The following MGAT4C variants were observed in gnomAD, a reference collection of about 807,000 sequenced individuals.
The protein encoded by MGAT4C is MGAT4 family member C.
A neutral mutation model predicts 40.1 loss-of-function variants in MGAT4C; 19 were observed. The observed-to-expected ratio is 0.47, with a 90% confidence interval of 0.33 to 0.70. The LOEUF (loss-of-function observed/expected upper bound fraction) is 0.70, where lower values mean the gene tolerates loss of function less well. MGAT4C is among the 30% of genes least tolerant of loss of function. The pLI is 0.02. For missense variants in MGAT4C, 491 were observed against 563.2 expected (o/e 0.87, Z 1.30); for synonymous variants, 181 against 187.1 (o/e 0.97, Z 0.27).
chr12:86,669,135 G>A (rs1420709250), intron 2 of MGAT4C, among the ~76,000 whole-genome samples: 2 of 152,136 alleles, frequency 1.3e-5, no homozygotes, highest in East Asian at 3.9e-4. Flanking sequence ...AGATCTCCAG[G>A]CATTCAGAAA....
chr12:86,766,828 A>C (rs1951518968), intron 1 of MGAT4C, among the ~76,000 whole-genome samples: 1 of 152,170 alleles, frequency 6.6e-6, no homozygotes, highest in African/African-American at 2.4e-5. Flanking sequence ...AACGAGAACA[A>C]AGACACAACA....
At chr12:86,701,410 C>T (rs1302122452) in intron 2 of MGAT4C, among the ~76,000 whole-genome samples, 3 of 152,014 alleles carry the variant, frequency 2.0e-5, no homozygotes, top group Non-Finnish European at 2.9e-5. Flanking sequence ...GATCAATGAT[C>T]TTTGATCTTC....
chr12:85,984,097 A>G (rs1172112646), intron 3 of MGAT4C, among the ~76,000 whole-genome samples: 2 of 152,164 alleles, frequency 1.3e-5, no homozygotes, highest in African/African-American at 4.8e-5. Context: ...ACTCTTCCTC[A>G]AGCAGTCTCA....
chr12:86,413,756 A>T (rs2136248064), intron 3 of MGAT4C, among the ~76,000 whole-genome samples: 1 of 152,198 alleles, frequency 6.6e-6, no homozygotes, highest in South Asian at 2.1e-4. Flanking sequence ...TGAACTTAAA[A>T]CTGGTCAGCA....
At chr12:86,011,282 A>G (rs528951549) in intron 2 of MGAT4C, among the ~76,000 whole-genome samples, 4 of 152,352 alleles carry the variant, frequency 2.6e-5, no homozygotes, top group African/African-American at 9.6e-5. Context: ...ACTTTTAGAG[A>G]CATAAGCGCA....
chr12:86,815,188 CATAA>C (rs1403071114), intron 1 of MGAT4C, among the ~76,000 whole-genome samples: 1 of 151,890 alleles, frequency 6.6e-6, no homozygotes. Context: ...GTGCTAAAGA[CATAA>C]ATAGACAATT....
intron 2 of MGAT4C, among the ~76,000 whole-genome samples, chr12:86,012,268 C>G (rs899760656): frequency 2.0e-5 from 3 of 152,060 alleles, no homozygotes; most frequent in Non-Finnish European, 4.4e-5. Context: ...GTTGTGTTTT[C>G]AAAAACAGCT....
chr12:86,788,692 A>T (rs1316795794), intron 1 of MGAT4C, among the ~76,000 whole-genome samples: 1 of 152,168 alleles, frequency 6.6e-6, no homozygotes, highest in Non-Finnish European at 1.5e-5. Context: ...ATAAAGCAAG[A>T]TTCTATTTCT....
intron 2 of MGAT4C, among the ~76,000 whole-genome samples, chr12:86,034,853 G>C (rs1432424975): frequency 6.7e-6 from 1 of 149,778 alleles, no homozygotes; most frequent in South Asian, 2.1e-4. Flanking sequence ...TTTTGTGTTA[G>C]TTTGCTGAGA....
chr12:86,469,812 C>T (rs1161108330), intron 2 of MGAT4C, among the ~76,000 whole-genome samples: 2 of 152,088 alleles, frequency 1.3e-5, no homozygotes, highest in Non-Finnish European at 2.9e-5. Context: ...GGATTCTTTG[C>T]TATGCACCAG....
chr12:86,045,486 T>C (rs1892309448), intron 2 of MGAT4C, among the ~76,000 whole-genome samples: 2 of 152,160 alleles, frequency 1.3e-5, no homozygotes, highest in African/African-American at 4.8e-5. Context: ...TTTTGATATT[T>C]CTCCTCTTAA....
intron 1 of MGAT4C, among the ~76,000 whole-genome samples, chr12:86,193,596 A>C (rs1218274239): frequency 6.6e-6 from 1 of 151,826 alleles, no homozygotes. Context: ...ATAAATTTTT[A>C]TTTTCTTTTT....
At chr12:86,184,832 G>T (rs536721667) in intron 1 of MGAT4C, among the ~76,000 whole-genome samples, 13 of 150,692 alleles carry the variant, frequency 8.6e-5, no homozygotes, top group Admixed American at 3.3e-4. Flanking sequence ...CAAACAGAAT[G>T]CAGTAATTTG....
At chr12:86,053,183 A>G (rs1893056433) in intron 1 of MGAT4C, among the ~76,000 whole-genome samples, 1 of 151,640 alleles carries the variant, frequency 6.6e-6, no homozygotes. Flanking sequence ...TTTTTTTAAC[A>G]TAAATATATA....
chr12:86,743,047 C>T (rs1200106840), intron 1 of MGAT4C, among the ~76,000 whole-genome samples: 5 of 137,246 alleles, frequency 3.6e-5, no homozygotes, highest in African/African-American at 1.1e-4. Flanking sequence ...GTGTGTTTTG[C>T]ATGTGTGTAT....
chr12:86,809,560 A>T (rs10777002), intron 1 of MGAT4C, among the ~76,000 whole-genome samples: 77,762 of 148,080 alleles, frequency 0.53, 20,553 homozygotes, highest in Middle Eastern at 0.64. Context: ...CCTATTTTTT[A>T]AAAAAAAATT....
chr12:86,722,893 T>A (rs537666167), intron 2 of MGAT4C, among the ~76,000 whole-genome samples: 4 of 152,180 alleles, frequency 2.6e-5, no homozygotes, highest in Non-Finnish European at 5.9e-5. Context: ...AATTGTCTGA[T>A]ACATTTTAGT....
chr12:86,183,324 G>T (rs1481571533), intron 1 of MGAT4C, among the ~76,000 whole-genome samples: 2 of 152,116 alleles, frequency 1.3e-5, no homozygotes, highest in Non-Finnish European at 2.9e-5. Flanking sequence ...CAAAATGCAA[G>T]AACTGAGGAC....
chr12:86,052,788 G>C (rs573597516), intron 1 of MGAT4C, among the ~76,000 whole-genome samples: 2 of 151,986 alleles, frequency 1.3e-5, no homozygotes, highest in Non-Finnish European at 2.9e-5. Context: ...TCACTGTCAA[G>C]AGAAACCTAT....
Sources: gnomAD v4.1 joint callset for allele counts (sites outside exome capture counted in the v4.1 genomes callset) on GRCh38, gnomAD v4.1.1 for gene constraint, MANE v1.5 for transcripts, NCBI Gene and HGNC (gene_info 2026-07-23, HGNC 2026-07-21) for gene names.